Variants in PLBD2 observed in about 807,000 individuals in gnomAD.
The protein encoded by PLBD2 is putative aminopeptidase PLBD2.
In PLBD2, 51 loss-of-function variants were observed where a neutral mutation model predicts 68.3. The observed-to-expected ratio is 0.75, with a 90% CI of 0.60 to 0.94. The LOEUF is 0.94. Ranked by LOEUF, PLBD2 falls within the 40% of genes least tolerant of loss-of-function variation. The pLI, the probability that PLBD2 is intolerant of heterozygous loss-of-function variation, is 0.00. For missense variants in PLBD2, 729 were observed against 792.2 expected (o/e 0.92, Z 0.96); for synonymous variants, 314 against 339.3 (o/e 0.93, Z 0.82).
intron 1 of PLBD2, among the ~76,000 whole-genome samples, chr12:113,361,258 G>T (rs1361972632): frequency 6.6e-6 from 1 of 150,842 alleles, no homozygotes; most frequent in Non-Finnish European, 1.5e-5. Context: ...TGCCACTGGG[G>T]ATCCTGGGAT....
At chr12:113,375,284 T>C in intron 5 of PLBD2, 1 of 466,172 alleles carries the variant, frequency 2.1e-6, no homozygotes, top group Non-Finnish European at 3.9e-6. Context: ...TATCTGGAAC[T>C]ACAAATGTGT....
At chr12:113,386,915 TG>T (rs756290685) in intron 9 of PLBD2, 21 bp from the exon 10 acceptor site, 1 of 1,610,888 alleles carries the variant, frequency 6.2e-7, no homozygotes, top group Non-Finnish European at 8.5e-7. Context: ...GGGTCATGGG[TG>T]ACCATCCTTG....
chr12:113,375,620 G>T (rs1028634439), intron 5 of PLBD2, among the ~76,000 whole-genome samples: 10 of 152,224 alleles, frequency 6.6e-5, no homozygotes, highest in Non-Finnish European at 1.5e-5. Flanking sequence ...GGGCCAGGCT[G>T]ATCTTGGCTA....
intron 6 of PLBD2, among the ~76,000 whole-genome samples, chr12:113,381,099 G>C (rs1427386021): frequency 1.3e-5 from 2 of 152,084 alleles, no homozygotes; most frequent in Non-Finnish European, 2.9e-5. Flanking sequence ...CCCAGGCCCC[G>C]CACAGGGCCT....
chr12:113,367,723 C>T (rs1199478011), intron 1 of PLBD2, among the ~76,000 whole-genome samples: 1 of 149,326 alleles, frequency 6.7e-6, no homozygotes, highest in Non-Finnish European at 1.5e-5. Context: ...TGCACTTCAG[C>T]CTGGGTGACA....
chr12:113,362,727 A>G (rs1957306431), intron 1 of PLBD2, among the ~76,000 whole-genome samples: 2 of 151,942 alleles, frequency 1.3e-5, no homozygotes, highest in African/African-American at 2.4e-5. Flanking sequence ...AAAGATTGGC[A>G]ATTTTAGAGC....
rs200189038 is a variant in PLBD2, at chr12:113,358,755, A to G, written c.155A>G (p.Asp52Gly). 7,956 of 1,400,898 alleles carry G rather than the reference A, an allele frequency of 5.7e-3. 41 individuals are homozygous for G. The highest frequency in any genetic ancestry group is 0.016 in the South Asian group (967 of 61,342). The allele number at this position is 1,400,898 out of a possible 1,614,324, so 86.8% of individuals were successfully genotyped here. A position where few individuals can be genotyped will look rare whatever the true frequency, so the allele number is the denominator to read the frequency against. ...IPAPGGRWAR[D>G]GQVPPASRSR... is the part of the protein sequence containing the mutation. The stretch of plus-strand genomic sequence containing the variant: ...GCGCCGGGGGGCCGCTGGGCGCGCG[A>G]TGGGCAGGTCCCTCCAGCCTCCCGC... The change falls in exon 1 of 12, where the codon GAT becomes GGT. Residue 52 changes from aspartate (D) to glycine (G), a missense_variant. Asp to Gly is a moderately conservative substitution (Grantham distance 94, BLOSUM62 -1). Transcript: ENST00000280800.
chr12:113,384,905 C>T lies in PLBD2; in HGVS notation c.1173C>T (p.Pro391=). The change falls in exon 8 of 12, where the codon CCC becomes CCT. Residue 391 remains proline, a synonymous_variant. Transcript: ENST00000280800. This position sits in a 1 kb window ranked among gnomAD's most constrained non-coding sequence, Gnocchi z 4.2. ...VDYKAFIPGG[P]SPGSRVLTIL... is the part of the protein sequence containing the mutation. Reference sequence around the variant, plus strand: ...ACAAGGCGTTCATCCCGGGTGGGCCCAGCCCCGGGAGCCGGGTGCTTACCA... The same window carrying T: ...ACAAGGCGTTCATCCCGGGTGGGCCTAGCCCCGGGAGCCGGGTGCTTACCA... 2 of 1,613,906 alleles carry T rather than the reference C, an allele frequency of 1.2e-6. No individual in the cohort carries two copies. Among genetic ancestry groups the T allele is most frequent in the Non-Finnish European group, 1.7e-6 (2 of 1,180,014 alleles).
chr12:113,358,762 G>C lies in PLBD2; in HGVS notation c.162G>C (p.Gln54His), dbSNP rs1313215763. ...APGGRWARDG[Q>H]VPPASRSRSV... ...GGGGCCGCTGGGCGCGCGATGGGCA[G>C]GTCCCTCCAGCCTCCCGCAGCCGCT... The change falls in exon 1 of 12, where the codon CAG becomes CAC. Residue 54 changes from glutamine to histidine, a missense_variant. Gln to His is a conservative substitution (Grantham distance 24). Coordinates refer to ENST00000280800, the MANE Select transcript of PLBD2 (RefSeq NM_173542.4). The C allele has an allele frequency of 7.0e-7, 1 of 1,418,986 alleles. No individual in the cohort carries two copies. Among genetic ancestry groups the C allele is most frequent in the Non-Finnish European group, 9.2e-7 (1 of 1,092,216 alleles). 87.9% of individuals were successfully genotyped at this position (1,418,986 alleles called of 1,614,324 possible).
At chr12:113,362,067 C>T (rs1372971257) in intron 1 of PLBD2, among the ~76,000 whole-genome samples, 2 of 152,178 alleles carry the variant, frequency 1.3e-5, no homozygotes, top group East Asian at 3.8e-4. Context: ...GAAAGGAGGA[C>T]AGGCGCTGTA....
In PLBD2 at chr12:113,366,567, C is replaced by G. The variant is rs1465338183; in HGVS notation, c.291-2549C>G. Among the ~76,000 whole-genome samples the G allele has an allele frequency of 2.0e-5, 3 of 151,474 alleles. No homozygotes were observed. In the East Asian group the frequency reaches 5.9e-4, roughly 30 times the overall value. ...TCATAACTTACTGCAGCCTCAAACTCTTGGGCTCAAGTGATCTTCCTGCCT... is the reference window on the plus strand; with the variant it reads ...TCATAACTTACTGCAGCCTCAAACTGTTGGGCTCAAGTGATCTTCCTGCCT... On this transcript the variant is annotated intron_variant, in intron 1 of 11. Transcript: ENST00000280800.
intron 5 of PLBD2, among the ~76,000 whole-genome samples, chr12:113,376,114 A>G (rs1325976568): frequency 6.6e-6 from 1 of 150,656 alleles, no homozygotes; most frequent in African/African-American, 2.4e-5. Context: ...TTGGCCTCCT[A>G]AAGTGCTTGG....
chr12:113,384,713 G>A lies in PLBD2; in HGVS notation c.1119-138G>A, dbSNP rs944444976. The A allele has an allele frequency of 2.3e-5, 15 of 660,634 alleles. No homozygotes were observed. The highest frequency in any genetic ancestry group is 1.1e-4 in the South Asian group (6 of 56,434). The allele number at this position is 660,634 out of a possible 1,614,324, so 40.9% of individuals were successfully genotyped here. ...TGTGGATACCTGGTCATGCTGCAGC[G>A]TCAGGGTGTCAGTTGAATGGCTGGA... On this transcript the variant is annotated intron_variant, in intron 7 of 11. Coordinates refer to ENST00000280800, the MANE Select transcript of PLBD2 (RefSeq NM_173542.4). The surrounding 1 kb of genome is among the most constrained non-coding windows in gnomAD (Gnocchi z 4.2).
At chr12:113,364,572 A>G (rs1957325927) in intron 1 of PLBD2, among the ~76,000 whole-genome samples, 5 of 151,580 alleles carry the variant, frequency 3.3e-5, no homozygotes. Context: ...CGATCCTCCC[A>G]TCTTAGCCCC....
chr12:113,388,710 C>T lies in PLBD2; in HGVS notation c.*84C>T, dbSNP rs1224149653. 18 of 1,424,138 alleles carry T rather than the reference C, an allele frequency of 1.3e-5. No individual in the cohort carries two copies. The highest frequency in any genetic ancestry group is 1.7e-5 in the Non-Finnish European group (18 of 1,067,966). 88.2% of individuals were successfully genotyped at this position (1,424,138 alleles called of 1,614,324 possible). A position where few individuals can be genotyped will look rare whatever the true frequency, so the allele number is the denominator to read the frequency against. ...TCCCAAGGCCACCGGACTTCTAACT[C>T]CAGCCCCTCCTGGGGGCTTCGTTCT... On this transcript the variant is annotated 3_prime_UTR_variant, in exon 12 of 12. Coordinates refer to ENST00000280800, the MANE Select transcript of PLBD2 (RefSeq NM_173542.4).
chr12:113,377,859 C>T (rs577267877), intron 5 of PLBD2, among the ~76,000 whole-genome samples: 9 of 152,334 alleles, frequency 5.9e-5, no homozygotes, highest in African/African-American at 1.9e-4. Context: ...CTTTTAAAAA[C>T]ATACTGTATA....
At chr12:113,376,943 C>T (rs757858907) in intron 5 of PLBD2, 2 of 152,538 alleles carry the variant, frequency 1.3e-5, no homozygotes, top group East Asian at 1.9e-4. Context: ...TCCTTCATGG[C>T]CAAATGTAAA....
intron 1 of PLBD2, among the ~76,000 whole-genome samples, chr12:113,364,506 T>C (rs1957325284): frequency 6.6e-6 from 1 of 151,872 alleles, no homozygotes; most frequent in South Asian, 2.1e-4. Context: ...TCTTGCTCTA[T>C]TGTCTGGACT....
At chr12:113,380,145 TTA>T (rs1957472943) in intron 5 of PLBD2, among the ~76,000 whole-genome samples, 1 of 149,984 alleles carries the variant, frequency 6.7e-6, no homozygotes, top group African/African-American at 2.5e-5. Flanking sequence ...ATTTATTTAT[TTA>T]TTTTTTTTAG....
Sources: gnomAD v4.1 joint callset for allele counts (sites outside exome capture counted in the v4.1 genomes callset) on GRCh38, gnomAD v4.1.1 for gene constraint, Gnocchi (gnomAD v3.1) non-coding constraint, MANE v1.5 for transcripts, NCBI Gene and HGNC (gene_info 2026-07-23, HGNC 2026-07-21) for gene names.